ABCG8: variants seen among roughly 807,000 people sequenced by gnomAD.
ABCG8 encodes the protein ATP binding cassette subfamily G member 8.
A neutral mutation model predicts 71.3 loss-of-function variants in ABCG8; 81 were observed. That is an observed-to-expected ratio of 1.14 (90% confidence interval 0.95 to 1.37). The LOEUF (loss-of-function observed/expected upper bound fraction) is 1.37. Ranked by LOEUF, ABCG8 falls within the 40% of genes most tolerant of loss-of-function variation. ABCG8 has a pLI of 0.00. For synonymous variants in ABCG8, 451 were observed against 354.7 expected (o/e 1.27, Z -3.05); for missense variants, 1,119 against 866.2 (o/e 1.29, Z -3.66).
chr2:43,857,873 G>A (rs72796773), intron 6 of ABCG8, among the ~76,000 whole-genome samples: 7,911 of 151,028 alleles, frequency 0.052, 252 homozygotes, highest in Middle Eastern at 0.11. Context: ...TATGGAATTC[G>A]CTATCTCTGG....
At chr2:43,854,936 G>A (rs1211298891) in intron 6 of ABCG8, among the ~76,000 whole-genome samples, 1 of 152,298 alleles carries the variant, frequency 6.6e-6, no homozygotes, top group South Asian at 2.1e-4. Flanking sequence ...ATCAGATTGG[G>A]TCTACAGCCA....
In ABCG8 at chr2:43,879,408, A is replaced by G. The variant is rs1314919240; in HGVS notation, c.*1495A>G. 2 of 152,224 alleles carry G rather than the reference A, an allele frequency of 1.3e-5. No individual in the cohort carries two copies. Among genetic ancestry groups the G allele is most frequent in the East Asian group, 3.9e-4 (2 of 5,192 alleles). 9.4% of individuals were successfully genotyped at this position (152,224 alleles called of 1,614,324 possible). A position where few individuals can be genotyped will look rare whatever the true frequency, so the allele number is the denominator to read the frequency against. On this transcript the variant is annotated 3_prime_UTR_variant, in exon 13 of 13. Coordinates refer to ENST00000272286, the MANE Select transcript of ABCG8 (RefSeq NM_022437.3). ...GGGCCAGCAGAATGGGCACAGCTGGAGCTGATTGGATAGGTCCCATGAGCC... is the reference window on the plus strand; with the variant it reads ...GGGCCAGCAGAATGGGCACAGCTGGGGCTGATTGGATAGGTCCCATGAGCC...
chr2:43,877,512 C>G, intron 11 of ABCG8, 49 bp from the exon 12 acceptor site: 1 of 1,611,910 alleles, frequency 6.2e-7, no homozygotes, highest in Non-Finnish European at 8.5e-7. Context: ...ATGGGGAAAC[C>G]ATGAGAATAT....
intron 6 of ABCG8, among the ~76,000 whole-genome samples, chr2:43,853,287 GGGCCCAGGGTGGT>G (rs1668990219): frequency 6.6e-6 from 1 of 152,192 alleles, no homozygotes; most frequent in African/African-American, 2.4e-5. Context: ...TGGCAGAGGG[GGGCCCAGGGTGGT>G]GGCCTTGGCC....
chr2:43,862,310 C>T (rs1055480856), intron 6 of ABCG8, among the ~76,000 whole-genome samples: 2 of 151,374 alleles, frequency 1.3e-5, no homozygotes, highest in Non-Finnish European at 3.0e-5. Context: ...GTAGAACTCT[C>T]ACTATCTATC....
At chr2:43,842,726 C>G (rs1487075974) in intron 1 of ABCG8, among the ~76,000 whole-genome samples, 1 of 152,100 alleles carries the variant, frequency 6.6e-6, no homozygotes, top group Non-Finnish European at 1.5e-5. Context: ...CCTTTCATCT[C>G]TCCCCGCTCC....
At chr2:43,852,518 G>A (rs1668958371) in intron 5 of ABCG8, 32 bp downstream of exon 5, 2 of 1,613,714 alleles carry the variant, frequency 1.2e-6, no homozygotes, top group Admixed American at 1.7e-5. Flanking sequence ...GGGGGCAGAG[G>A]GACCTGTGCG....
At chr2:43,859,189 C>G (rs1418756251) in intron 6 of ABCG8, among the ~76,000 whole-genome samples, 10 of 150,514 alleles carry the variant, frequency 6.6e-5, no homozygotes, top group Non-Finnish European at 1.2e-4. Context: ...GACTGTCTAT[C>G]TGGATAGAAT....
chr2:43,844,389 T>A (rs1276171180), intron 1 of ABCG8, 118 bp from the exon 2 acceptor site: 6 of 792,728 alleles, frequency 7.6e-6, no homozygotes, highest in Non-Finnish European at 1.3e-5. Context: ...TGTTGCCAAT[T>A]TGAGATTTAA....
intron 2 of ABCG8, among the ~76,000 whole-genome samples, chr2:43,845,936 ATTC>A (rs566924686): frequency 2.2e-4 from 34 of 152,180 alleles, no homozygotes; most frequent in Admixed American, 1.8e-3. Flanking sequence ...CATGCTTTTC[ATTC>A]TTCTTATCTT....
At chr2:43,858,509 A>G (rs1450848267) in intron 6 of ABCG8, among the ~76,000 whole-genome samples, 2 of 151,132 alleles carry the variant, frequency 1.3e-5, no homozygotes, top group Non-Finnish European at 3.0e-5. Flanking sequence ...TAGTACTCTC[A>G]CTATCTATCT....
chr2:43,865,358 C>G (rs929384571), intron 6 of ABCG8, among the ~76,000 whole-genome samples: 3 of 136,968 alleles, frequency 2.2e-5, no homozygotes, highest in African/African-American at 8.4e-5. Context: ...CTGGATAGAA[C>G]TCTTACTATC....
Position 43,873,868 on chromosome 2 carries a change from C to G in ABCG8, c.1293C>G (p.Ile431Met), listed in dbSNP as rs202176869. 20 of 1,614,024 alleles carry G rather than the reference C, an allele frequency of 1.2e-5. No homozygotes were observed. The highest frequency in any genetic ancestry group is 1.7e-5 in the Non-Finnish European group (20 of 1,180,038). Residue 431 changes from isoleucine (I) to methionine (M), a missense_variant, in exon 9 of 13, where the codon ATC (isoleucine) becomes ATG (methionine). Coordinates refer to ENST00000272286, the MANE Select transcript of ABCG8 (RefSeq NM_022437.3). Reference protein sequence around the residue: ...GAEACLMSMTIGFLYFGHGSI... With the variant: ...GAEACLMSMTMGFLYFGHGSI... ...AGGCCTGTCTGATGTCAATGACCAT[C>G]GGCTTCCTCTATTTTGGCCATGGGA...
intron 6 of ABCG8, among the ~76,000 whole-genome samples, chr2:43,855,930 C>T (rs181125494): frequency 4.5e-4 from 68 of 151,892 alleles, no homozygotes; most frequent in Admixed American, 2.6e-3. Flanking sequence ...CTCTCACTCT[C>T]GGGATAGAAT....
chr2:43,875,036 C>T (rs1329567421), intron 10 of ABCG8, 110 bp from the exon 11 acceptor site: 2 of 1,490,542 alleles, frequency 1.3e-6, no homozygotes, highest in African/African-American at 1.4e-5. Context: ...ACAGCCTCAT[C>T]ATCACCAGGA....
At chr2:43,840,655 A>G (rs1668551847) in intron 1 of ABCG8, among the ~76,000 whole-genome samples, 1 of 152,248 alleles carries the variant, frequency 6.6e-6, no homozygotes, top group Admixed American at 6.5e-5. Context: ...ATCTTGACAT[A>G]TCTTCCTCAC....
At chr2:43,869,639 G>A (rs1434101837) in intron 6 of ABCG8, among the ~76,000 whole-genome samples, 1 of 148,250 alleles carries the variant, frequency 6.7e-6, no homozygotes, top group Non-Finnish European at 1.5e-5. Flanking sequence ...GGTTAGAACT[G>A]TCACCCTGTG....
chr2:43,864,727 T>G (rs979387405), intron 6 of ABCG8, among the ~76,000 whole-genome samples: 1 of 151,698 alleles, frequency 6.6e-6, no homozygotes, highest in Non-Finnish European at 1.5e-5. Flanking sequence ...TAGGTAGAAC[T>G]CTCACTATCT....
intron 4 of ABCG8, 134 bp downstream of exon 4, chr2:43,851,956 C>A (rs966392143): frequency 4.8e-6 from 5 of 1,034,036 alleles, no homozygotes; most frequent in Admixed American, 1.8e-5. Flanking sequence ...CTTCCGCCAG[C>A]CCTGGGCTGC....
Sources: gnomAD v4.1 joint callset for allele counts (sites outside exome capture counted in the v4.1 genomes callset) on GRCh38, gnomAD v4.1.1 for gene constraint, MANE v1.5 for transcripts, NCBI Gene and HGNC (gene_info 2026-07-23, HGNC 2026-07-21) for gene names.